Variants in ADAMTS20 observed in about 807,000 individuals in gnomAD.
ADAMTS20 encodes A disintegrin and metalloproteinase with thrombospondin motifs 20.
ADAMTS20 carries 225 observed loss-of-function variants against 260.1 expected under a neutral mutation model. That is an observed-to-expected ratio of 0.87 (90% CI 0.78 to 0.97). ADAMTS20 has a LOEUF of 0.97. Among genes scored for constraint, ADAMTS20 ranks in the 50% least tolerant of loss-of-function variants. The probability of loss-of-function intolerance (pLI) is 0.00; values close to 1 mark genes in which losing one functional copy is unlikely to be tolerated. For synonymous variants in ADAMTS20, 802 were observed against 769.5 expected, an observed-to-expected ratio of 1.04 and a Z score of -0.70; for missense variants, 2,400 against 2,337.7, an observed-to-expected ratio of 1.03 and a Z score of -0.55.
intron 2 of ADAMTS20, among the ~76,000 whole-genome samples, chr12:43,536,388 C>A (rs1026539738): frequency 6.6e-6 from 1 of 152,128 alleles, no homozygotes; most frequent in Non-Finnish European, 1.5e-5. Flanking sequence ...AAGAACCGTT[C>A]TAGGGGCTAA....
At chr12:43,529,242 G>A (rs932425125) in intron 3 of ADAMTS20, among the ~76,000 whole-genome samples, 2 of 152,154 alleles carry the variant, frequency 1.3e-5, no homozygotes, top group Non-Finnish European at 2.9e-5. Context: ...AACCTGTATG[G>A]AGATTCCTTA....
chr12:43,467,345 C>A (rs982346117), intron 8 of ADAMTS20, among the ~76,000 whole-genome samples: 1 of 152,036 alleles, frequency 6.6e-6, no homozygotes, highest in East Asian at 1.9e-4. Context: ...AGGGCAGTCA[C>A]ATCTTCATGA....
At chr12:43,408,863 TTTG>T (rs1940969200) in intron 28 of ADAMTS20, among the ~76,000 whole-genome samples, 2 of 152,196 alleles carry the variant, frequency 1.3e-5, no homozygotes, top group Non-Finnish European at 2.9e-5. Context: ...GTACATGGGA[TTTG>T]GTGTCAGAGG....
chr12:43,469,520 A>G (rs1690555871), intron 7 of ADAMTS20, among the ~76,000 whole-genome samples: 1 of 152,082 alleles, frequency 6.6e-6, no homozygotes. Context: ...TTAGTTTTTC[A>G]TTTACTTATT....
chr12:43,473,080 T>C (rs1170855886), intron 7 of ADAMTS20, among the ~76,000 whole-genome samples: 1 of 54,600 alleles, frequency 1.8e-5, no homozygotes, highest in African/African-American at 7.8e-5. Context: ...GTGTGCTGTA[T>C]TCAGGAAACC....
rs531965661 is a variant in ADAMTS20 at position 43,469,430 on chromosome 12, C to T, written c.1118-725G>A. ...AAGACAGCAATAATTATCATATATG[C>T]AGTCCTCTAAAAATAATATAGGATA... On this transcript the variant is annotated intron_variant, in intron 7 of 38. Transcript: ENST00000389420. Among the ~76,000 whole-genome samples the T allele has an allele frequency of 2.6e-5, 4 of 152,146 alleles. No homozygotes were observed. The South Asian group carries it at 6.2e-4, about 24-fold the overall frequency.
At chr12:43,392,842 ATATTC>A (rs1192973463) in intron 29 of ADAMTS20, among the ~76,000 whole-genome samples, 3 of 151,982 alleles carry the variant, frequency 2.0e-5, no homozygotes, top group Admixed American at 2.0e-4. Context: ...TTTTCTCTGC[ATATTC>A]TTTAAATGTC....
In ADAMTS20 at chr12:43,403,679, C is replaced by T. The variant is rs12306438; in HGVS notation, c.4285-4446G>A. Among the ~76,000 whole-genome samples the T allele has an allele frequency of 6.4e-3, 976 of 151,978 alleles. 11 individuals carry two copies. The highest frequency in any genetic ancestry group is 0.022 in the African/African-American group (911 of 41,456). Reference sequence around the variant, plus strand: ...CAAACTAAGAAAACTCTAAAGACATCTGTAATGCTATAGCAAAATGCAAAG... The same window carrying T: ...CAAACTAAGAAAACTCTAAAGACATTTGTAATGCTATAGCAAAATGCAAAG... On this transcript the variant is annotated intron_variant, in intron 28 of 38. Coordinates refer to ENST00000389420, the MANE Select transcript of ADAMTS20 (RefSeq NM_025003.5).
At chr12:43,401,934 G>T (rs116849008) in intron 28 of ADAMTS20, among the ~76,000 whole-genome samples, 2 of 151,372 alleles carry the variant, frequency 1.3e-5, no homozygotes, top group African/African-American at 4.9e-5. Flanking sequence ...TGACACATTC[G>T]CTCAAAAACA....
At chr12:43,469,032 G>A (rs2840127) in intron 7 of ADAMTS20, among the ~76,000 whole-genome samples, 51,759 of 151,812 alleles carry the variant, frequency 0.34, 9,337 homozygotes, top group East Asian at 0.75. Context: ...ACACATTAGC[G>A]TGGGTAGCAG....
chr12:43,386,040 CT>C (rs1385042421), intron 29 of ADAMTS20, among the ~76,000 whole-genome samples: 1 of 152,020 alleles, frequency 6.6e-6, no homozygotes, highest in Non-Finnish European at 1.5e-5. Context: ...TGATTCTTCT[CT>C]CTTTTCTTCT....
At chr12:43,408,228 C>T (rs1940956138) in intron 28 of ADAMTS20, among the ~76,000 whole-genome samples, 1 of 152,118 alleles carries the variant, frequency 6.6e-6, no homozygotes, top group Non-Finnish European at 1.5e-5. Flanking sequence ...AAACTCCACT[C>T]CCATCTTACC....
At position 43,414,375 on chromosome 12, in the gene ADAMTS20, T is replaced by C. The variant is rs1482305443; in HGVS notation, c.4284+11139A>G. ...GAAATAGAAACTCGTTTACTGTTGCTACTTCTCAGTAGCTATTCCTGGGAT... is the reference window on the plus strand; with the variant it reads ...GAAATAGAAACTCGTTTACTGTTGCCACTTCTCAGTAGCTATTCCTGGGAT... On this transcript the variant is annotated intron_variant, in intron 28 of 38. Coordinates refer to ENST00000389420, the MANE Select transcript of ADAMTS20 (RefSeq NM_025003.5). Among the ~76,000 whole-genome samples the C allele has an allele frequency of 3.3e-5, 5 of 152,178 alleles. 1 individual carries two copies. Among genetic ancestry groups the C allele is most frequent in the African/African-American group, 1.2e-4 (5 of 41,456 alleles).
chr12:43,379,567 C>A (rs1024278961), intron 31 of ADAMTS20, among the ~76,000 whole-genome samples: 3 of 152,108 alleles, frequency 2.0e-5, no homozygotes, highest in African/African-American at 4.8e-5. Context: ...CTACTCCCAA[C>A]CCCCCAACAC....
At chr12:43,550,420 T>C (rs1046645353) in intron 2 of ADAMTS20, among the ~76,000 whole-genome samples, 2 of 152,176 alleles carry the variant, frequency 1.3e-5, no homozygotes, top group Non-Finnish European at 2.9e-5. Context: ...CCCCATACCA[T>C]CAACAAAATG....
intron 3 of ADAMTS20, among the ~76,000 whole-genome samples, chr12:43,503,417 ATTTC>A (rs1942796250): frequency 6.6e-6 from 1 of 152,106 alleles, no homozygotes; most frequent in Non-Finnish European, 1.5e-5. Context: ...ATAAAAACAT[ATTTC>A]ATTATTATTA....
intron 3 of ADAMTS20, among the ~76,000 whole-genome samples, chr12:43,505,096 A>AT (rs2137453073): frequency 6.6e-6 from 1 of 152,298 alleles, no homozygotes; most frequent in African/African-American, 2.4e-5. Flanking sequence ...TGATCAAATG[A>AT]TTTTTGACAA....
At chr12:43,485,094 CAAA>C (rs59409245) in intron 7 of ADAMTS20, among the ~76,000 whole-genome samples, 12 of 118,742 alleles carry the variant, frequency 1.0e-4, no homozygotes, top group Admixed American at 1.6e-4. Flanking sequence ...AGGACGTAGC[CAAA>C]AAAAAAAAAA....
chr12:43,482,225 G>A (rs1355887464), intron 7 of ADAMTS20, among the ~76,000 whole-genome samples: 1 of 152,200 alleles, frequency 6.6e-6, no homozygotes, highest in Non-Finnish European at 1.5e-5. Flanking sequence ...AATGAGGTTT[G>A]CAATATAATC....
Sources: gnomAD v4.1 joint callset for allele counts (sites outside exome capture counted in the v4.1 genomes callset) on GRCh38, gnomAD v4.1.1 for gene constraint, MANE v1.5 for transcripts, NCBI Gene and HGNC (gene_info 2026-07-23, HGNC 2026-07-21) for gene names.